The following CSMD2 variants were observed in gnomAD, a reference collection of about 807,000 sequenced individuals.
CSMD2 encodes CUB and sushi domain-containing protein 2.
A neutral mutation model predicts 398.5 loss-of-function variants in CSMD2; 130 were observed. That is an observed-to-expected ratio of 0.33 (90% CI 0.28 to 0.38). The LOEUF is 0.38. Among genes scored for constraint, CSMD2 ranks in the 10% least tolerant of loss-of-function variants. The probability of loss-of-function intolerance (pLI) is 1.00; values close to 1 mark genes in which losing one functional copy is unlikely to be tolerated. For missense variants in CSMD2, 3,829 were observed against 4,764.9 expected (o/e 0.80, Z 5.78); for synonymous variants, 1,828 against 1,908.5 (o/e 0.96, Z 1.10).
At chr1:34,021,214 A>G (rs371885334) in intron 3 of CSMD2, among the ~76,000 whole-genome samples, 1 of 152,254 alleles carries the variant, frequency 6.6e-6, no homozygotes, top group African/African-American at 2.4e-5. Flanking sequence ...TTCTCTCCCC[A>G]CTGATGCTGG....
chr1:34,158,664 G>A (rs368223863), intron 1 of CSMD2, among the ~76,000 whole-genome samples: 2 of 152,198 alleles, frequency 1.3e-5, no homozygotes, highest in African/African-American at 2.4e-5. Context: ...CAAGTAGACC[G>A]TAGTTGTAGT....
At chr1:33,944,679 T>C (rs1419567450) in intron 3 of CSMD2, among the ~76,000 whole-genome samples, 3 of 152,160 alleles carry the variant, frequency 2.0e-5, no homozygotes, top group Non-Finnish European at 4.4e-5. Flanking sequence ...GCACATTGCT[T>C]AGCATTCTTC....
At position 33,633,408 on chromosome 1, in the gene CSMD2, C is replaced by T. The variant is rs547056917; in HGVS notation, c.5200+14G>A. ...GGCCCACAACCATCCCCACACTGGC[C>T]GAGCCCCGGATACCTGTATGGGAGC... On this transcript the variant is annotated intron_variant, in intron 32 of 70. Coordinates refer to ENST00000373381, the MANE Select transcript of CSMD2 (RefSeq NM_001281956.2). The surrounding 1 kb of genome is among the most constrained non-coding windows in gnomAD (Gnocchi z 5.0). 1.4e-5 allele frequency: 21 copies of T among 1,543,510 alleles called. No homozygotes were observed. The East Asian group carries it at 3.7e-4, about 27-fold the overall frequency.
At chr1:33,637,146 T>A (rs966622766) in intron 29 of CSMD2, among the ~76,000 whole-genome samples, 1 of 152,178 alleles carries the variant, frequency 6.6e-6, no homozygotes, top group Non-Finnish European at 1.5e-5. Context: ...GGCCCAGTCA[T>A]ACCCATCTGT....
intron 13 of CSMD2, among the ~76,000 whole-genome samples, chr1:33,758,034 T>A (rs943398741): frequency 3.3e-5 from 5 of 152,220 alleles, no homozygotes; most frequent in Non-Finnish European, 7.3e-5. Context: ...AAAGACTCCC[T>A]GCTGCACAGA....
intron 6 of CSMD2, among the ~76,000 whole-genome samples, chr1:33,842,586 A>G (rs1660964865): frequency 6.6e-6 from 1 of 152,110 alleles, no homozygotes; most frequent in Admixed American, 6.5e-5. Flanking sequence ...TAGTAAATAT[A>G]TTAGGCCTGT....
chr1:33,606,010 T>C (rs1181510992), intron 41 of CSMD2: 2 of 1,606,576 alleles, frequency 1.2e-6, no homozygotes, highest in South Asian at 2.2e-5. Context: ...AGAGAAGCTT[T>C]TCAGAGGGAG....
intron 24 of CSMD2, 92 bp from the exon 25 acceptor site, chr1:33,693,148 C>G (rs1645299898): frequency 5.0e-6 from 7 of 1,399,578 alleles, no homozygotes; most frequent in Non-Finnish European, 6.7e-6. Flanking sequence ...GCTCTTGAGT[C>G]CCTTCCCTCT....
At chr1:33,892,542 G>T (rs893183964) in intron 5 of CSMD2, among the ~76,000 whole-genome samples, 19 of 152,030 alleles carry the variant, frequency 1.2e-4, no homozygotes, top group Non-Finnish European at 2.5e-4. Flanking sequence ...TCATAGCTTA[G>T]CTCCCACTTA....
chr1:33,936,887 C>T (rs1644498153), intron 3 of CSMD2, among the ~76,000 whole-genome samples: 1 of 152,198 alleles, frequency 6.6e-6, no homozygotes, highest in Admixed American at 6.5e-5. Context: ...TTAAGTACCT[C>T]TCCATTAATC....
intron 5 of CSMD2, chr1:33,864,285 C>A: frequency 6.2e-7 from 1 of 1,613,184 alleles, no homozygotes; most frequent in Non-Finnish European, 8.5e-7. Flanking sequence ...GGAGCAGCAG[C>A]CAAATACCTA....
chr1:33,788,635 C>A lies in CSMD2; in HGVS notation c.1628G>T (p.Ser543Ile), dbSNP rs1315577348. The change falls in exon 12 of 71, where the codon AGT (serine) becomes ATT (isoleucine). Residue 543 changes from serine (S) to isoleucine (I), a missense_variant. By Grantham distance (142) the Ser-to-Ile change is moderately radical. Transcript: ENST00000373381. ...AGCCTTGAATCCCAGGGAACTGCCA[C>A]TGCCATCAGTCTGGAAGAGGAGCCA... ...QMWLLFQTDGSGSSLGFKASY... is the reference protein window; with the variant it reads ...QMWLLFQTDGIGSSLGFKASY... 1.9e-6 allele frequency: 3 copies of A among 1,613,426 alleles called. No individual in the cohort carries two copies. The Admixed American group carries it at 5.0e-5, about 27-fold the overall frequency.
chr1:34,105,656 G>C (rs1660460925), intron 1 of CSMD2, among the ~76,000 whole-genome samples: 1 of 152,086 alleles, frequency 6.6e-6, no homozygotes, highest in South Asian at 2.1e-4. Flanking sequence ...AATTGCAAAG[G>C]AAATCAGCTA....
intron 1 of CSMD2, among the ~76,000 whole-genome samples, chr1:34,102,993 G>A (rs554712136): frequency 2.0e-5 from 3 of 152,064 alleles, no homozygotes; most frequent in Non-Finnish European, 2.9e-5. Context: ...TCTCTAGCTC[G>A]CAGACCTGAA....
intron 49 of CSMD2, among the ~76,000 whole-genome samples, chr1:33,576,365 C>T (rs370704324): frequency 1.3e-5 from 2 of 152,086 alleles, no homozygotes; most frequent in Non-Finnish European, 2.9e-5. Context: ...CCGAGGTGGG[C>T]GGATCACCTG....
chr1:33,951,629 C>A (rs1325762508), intron 3 of CSMD2, among the ~76,000 whole-genome samples: 2 of 152,222 alleles, frequency 1.3e-5, no homozygotes, highest in African/African-American at 4.8e-5. Flanking sequence ...CTTCTCCAAT[C>A]CTCGCTCCAA....
chr1:33,702,834 G>C (rs1017006655), intron 22 of CSMD2, among the ~76,000 whole-genome samples: 1 of 152,010 alleles, frequency 6.6e-6, no homozygotes, highest in Non-Finnish European at 1.5e-5. Flanking sequence ...TTTTCCTCTA[G>C]AATTCATGTC....
In CSMD2 at chr1:33,556,326, C is replaced by T. The variant is rs201338276; in HGVS notation, c.8743+1408G>A. Among the ~76,000 whole-genome samples the T allele has an allele frequency of 1.9e-4, 29 of 152,144 alleles. No homozygotes were observed. In the East Asian group the frequency reaches 4.6e-3, roughly 24 times the overall value. On this transcript the variant is annotated intron_variant, in intron 55 of 70. Coordinates refer to ENST00000373381, the MANE Select transcript of CSMD2 (RefSeq NM_001281956.2). ...GGATGGCCAGGCCAGAGTTCTCAAGCGAGGAAAATACAAGCAGTGAGCAGC... is the reference window on the plus strand; with the variant it reads ...GGATGGCCAGGCCAGAGTTCTCAAGTGAGGAAAATACAAGCAGTGAGCAGC...
At chr1:33,800,983 A>C (rs2124921237) in intron 10 of CSMD2, among the ~76,000 whole-genome samples, 1 of 117,756 alleles carries the variant, frequency 8.5e-6, no homozygotes, top group Non-Finnish European at 2.0e-5. Flanking sequence ...TGAGTGAACA[A>C]ATGGGCCAAC....
Sources: allele counts gnomAD v4.1 joint callset (sites outside exome capture counted in the v4.1 genomes callset), GRCh38; gene constraint gnomAD v4.1.1; non-coding constraint Gnocchi (gnomAD v3.1); transcripts MANE v1.5; gene names NCBI Gene and HGNC (gene_info 2026-07-23, HGNC 2026-07-21).